The following SFR1 variants were observed in gnomAD, a reference collection of about 807,000 sequenced individuals.
SFR1 encodes the protein SWI5 dependent homologous recombination repair protein 1.
A neutral mutation model predicts 26.2 loss-of-function variants in SFR1; 24 were observed. The observed-to-expected ratio is 0.92, with a 90% confidence interval of 0.66 to 1.29. The LOEUF is 1.29. SFR1 is among the 50% of genes most tolerant of loss of function. The pLI is 0.00. For missense variants in SFR1, 276 were observed against 270.2 expected, an observed-to-expected ratio of 1.02 and a Z score of -0.15; for synonymous variants, 77 against 96.6, an observed-to-expected ratio of 0.80 and a Z score of 1.19.
intron 2 of SFR1, 49 bp from the exon 3 acceptor site, chr10:104,123,665 A>T: frequency 7.0e-7 from 1 of 1,419,676 alleles, no homozygotes; most frequent in Non-Finnish European, 9.5e-7. Context: ...TATTGACATT[A>T]AGAATGTTTT....
At chr10:104,122,221 A>T in intron 1 of SFR1, 25 bp downstream of exon 1, 1 of 1,532,156 alleles carries the variant, frequency 6.5e-7, no homozygotes, top group East Asian at 2.5e-5. Flanking sequence ...GGAAGGGGGG[A>T]TCCCTGACAC....
intron 3 of SFR1, 140 bp from the exon 4 acceptor site, chr10:104,125,373 C>A: frequency 1.6e-6 from 1 of 630,126 alleles, no homozygotes; most frequent in African/African-American, 1.8e-5. Flanking sequence ...TATGACCATC[C>A]TACTTTTTCC....
At chr10:104,122,787 A>G (rs976414976) in intron 1 of SFR1, 178 bp from the exon 2 acceptor site, 6 of 1,516,950 alleles carry the variant, frequency 4.0e-6, no homozygotes, top group South Asian at 3.7e-5. Flanking sequence ...AGTGGTCCCT[A>G]TGTGGGAAGG....
chr10:104,124,911 C>T (rs1271987085), intron 3 of SFR1, among the ~76,000 whole-genome samples: 1 of 152,184 alleles, frequency 6.6e-6, no homozygotes, highest in Non-Finnish European at 1.5e-5. Flanking sequence ...ATCCTCCCAA[C>T]TCAGCCTCCC....
chr10:104,125,766 A>AATT lies in SFR1; in HGVS notation c.*62_*63insATT. 9.1e-7 allele frequency: 1 copy of AATT among 1,097,052 alleles called. No individual in the cohort carries two copies. The highest frequency in any genetic ancestry group is 2.6e-5 in the East Asian group (1 of 37,936). 68.0% of individuals were successfully genotyped at this position (1,097,052 alleles called of 1,614,324 possible). ...CAACTTAATTAAAAGATACTTAGGC[A>AATT]CTTTTTTTTTTTTTTTGAGACTGAG... On this transcript the variant is annotated 3_prime_UTR_variant, in exon 4 of 4. Coordinates refer to ENST00000369727, the MANE Select transcript of SFR1 (RefSeq NM_001002759.2).
In SFR1 at chr10:104,124,125, G is replaced by A. The variant is rs1377208505; in HGVS notation, c.546+1G>A. 1.3e-6 allele frequency: 2 copies of A among 1,542,604 alleles called. No homozygotes were observed. The highest frequency in any genetic ancestry group is 1.7e-6 in the Non-Finnish European group (2 of 1,147,648). ...ACTAGTCAAAATGTATAGATCAAAGGTGAGAAGAATTTCAGGACCATTGCA... is the reference window on the plus strand; with the variant it reads ...ACTAGTCAAAATGTATAGATCAAAGATGAGAAGAATTTCAGGACCATTGCA... On this transcript the variant is annotated splice_donor_variant, in intron 3 of 3. Transcript: ENST00000369727. LOFTEE classifies it high-confidence loss of function.
Position 104,124,117 on chromosome 10 carries a change from G to A in SFR1, c.539G>A (p.Arg180Lys). 1.9e-6 allele frequency: 3 copies of A among 1,559,010 alleles called. No individual in the cohort carries two copies. Among genetic ancestry groups the A allele is most frequent in the Non-Finnish European group, 8.7e-7 (1 of 1,155,710 alleles). Residue 180 changes from arginine (R) to lysine (K), a missense_variant, in exon 3 of 4, where the codon AGA (arginine) becomes AAA (lysine). Transcript: ENST00000369727. ...LRRLKLVKMY[R>K]SKNDLSQLQL... ...AGGCTAAAACTAGTCAAAATGTATA[G>A]ATCAAAGGTGAGAAGAATTTCAGGA...
In SFR1 at chr10:104,123,934, T is replaced by C. The variant is rs1273339520; in HGVS notation, c.356T>C (p.Leu119Ser). 1.2e-6 allele frequency: 2 copies of C among 1,613,586 alleles called. No homozygotes were observed. Among genetic ancestry groups the C allele is most frequent in the Non-Finnish European group, 1.7e-6 (2 of 1,179,834 alleles). Residue 119 changes from leucine to serine, a missense_variant, in exon 3 of 4, where the codon TTG (leucine) becomes TCG (serine). Leu to Ser is a moderately radical substitution (Grantham distance 145, BLOSUM62 -2). Coordinates refer to ENST00000369727, the MANE Select transcript of SFR1 (RefSeq NM_001002759.2). ...FEENTNLKNT[L>S]KNLNVCESQS... The stretch of plus-strand genomic sequence containing the variant: ...GAAAATACAAATTTGAAAAATACTT[T>C]GAAGAATCTCAATGTCTGTGAATCT...
chr10:104,121,811 G>C (rs1330149718), upstream of SFR1, among the ~76,000 whole-genome samples: 2 of 152,184 alleles, frequency 1.3e-5, no homozygotes, highest in African/African-American at 2.4e-5. Flanking sequence ...GAACGGAAGC[G>C]CGCCCCCCTC....
Position 104,125,503 on chromosome 10 carries a change from T to TC in SFR1, c.547-9dup, listed in dbSNP as rs2087015644. ...AGTTATTGACATACATGTTTTTTTT[T>TC]CTGTTTCAGAATGATCTGTCTCAGT... On this transcript the variant is annotated splice_polypyrimidine_tract_variant and intron_variant, in intron 3 of 3. Coordinates refer to ENST00000369727, the MANE Select transcript of SFR1 (RefSeq NM_001002759.2). 1 of 1,594,942 alleles carries TC rather than the reference T, an allele frequency of 6.3e-7. No homozygotes were observed.
chr10:104,122,220 G>C (rs1564696284), intron 1 of SFR1, 24 bp downstream of exon 1: 3 of 1,535,324 alleles, frequency 2.0e-6, no homozygotes, highest in Non-Finnish European at 1.8e-6. Flanking sequence ...GGGAAGGGGG[G>C]ATCCCTGACA....
At chr10:104,122,164 C>G (rs904891849), upstream of SFR1, 7 of 1,548,586 alleles carry the variant, frequency 4.5e-6, no homozygotes, top group African/African-American at 4.1e-5. Flanking sequence ...GGTGCGCGCG[C>G]TTTTTTGCTC....
chr10:104,123,204 G>T (rs1165137540), intron 2 of SFR1, 118 bp downstream of exon 2: 1 of 812,364 alleles, frequency 1.2e-6, no homozygotes, highest in South Asian at 2.4e-5. Flanking sequence ...TAAATAAGTA[G>T]ACATTTTATT....
rs7076473 is a variant in SFR1, at chr10:104,122,348, G to C, written c.13+152G>C. ...GGGAACTAGTGGGCTTTCTGCAACG[G>C]GGGGAAGGAGGGGACGACTCCCGCC... On this transcript the variant is annotated intron_variant, in intron 1 of 3. Coordinates refer to ENST00000369727, the MANE Select transcript of SFR1 (RefSeq NM_001002759.2). The C allele has an allele frequency of 3.7e-5, 52 of 1,393,208 alleles. No homozygotes were observed. In the African/African-American group the frequency reaches 6.8e-4, roughly 18 times the overall value. 86.3% of individuals were successfully genotyped at this position (1,393,208 alleles called of 1,614,324 possible). A position where few individuals can be genotyped will look rare whatever the true frequency, so the allele number is the denominator to read the frequency against.
chr10:104,124,214 A>G (rs928194604), intron 3 of SFR1, 90 bp downstream of exon 3: 66 of 1,150,296 alleles, frequency 5.7e-5, no homozygotes, highest in Non-Finnish European at 7.3e-5. Flanking sequence ...TTTTTTTACC[A>G]TAATAAGCAA....
upstream of SFR1, chr10:104,121,926 G>C: frequency 2.0e-6 from 1 of 492,570 alleles, no homozygotes; most frequent in South Asian, 2.6e-5. Context: ...GCGCTGGGCG[G>C]GGAGAGCCGC....
In SFR1 at chr10:104,125,766, A is replaced by AT; in HGVS notation, c.*62_*63insT. 3.6e-6 allele frequency: 4 copies of AT among 1,097,034 alleles called. No homozygotes were observed. The highest frequency in any genetic ancestry group is 5.7e-5 in the Admixed American group (2 of 35,302). 68.0% of individuals were successfully genotyped at this position (1,097,034 alleles called of 1,614,324 possible). The stretch of plus-strand genomic sequence containing the variant: ...CAACTTAATTAAAAGATACTTAGGC[A>AT]CTTTTTTTTTTTTTTTGAGACTGAG... On this transcript the variant is annotated 3_prime_UTR_variant, in exon 4 of 4. Coordinates refer to ENST00000369727, the MANE Select transcript of SFR1 (RefSeq NM_001002759.2).
Position 104,125,960 on chromosome 10 carries a change from T to G in SFR1, c.*256T>G. The G allele has an allele frequency of 3.9e-6, 1 of 258,992 alleles. No homozygotes were observed. 16.0% of individuals were successfully genotyped at this position (258,992 alleles called of 1,614,324 possible). Reference sequence around the variant, plus strand: ...TTTGCATTTTTAGTAGAGACTGGGTTTCACCACGTTGGCCAGGCTGGTCTC... The same window carrying G: ...TTTGCATTTTTAGTAGAGACTGGGTGTCACCACGTTGGCCAGGCTGGTCTC... On this transcript the variant is annotated 3_prime_UTR_variant, in exon 4 of 4. Coordinates refer to ENST00000369727, the MANE Select transcript of SFR1 (RefSeq NM_001002759.2).
In SFR1 at chr10:104,125,952, G is replaced by C. The variant is rs1322182606; in HGVS notation, c.*248G>C. 1 of 280,386 alleles carries C rather than the reference G, an allele frequency of 3.6e-6. No individual in the cohort carries two copies. The highest frequency in any genetic ancestry group is 6.9e-6 in the Non-Finnish European group (1 of 145,916). 17.4% of individuals were successfully genotyped at this position (280,386 alleles called of 1,614,324 possible). A position where few individuals can be genotyped will look rare whatever the true frequency, so the allele number is the denominator to read the frequency against. On this transcript the variant is annotated 3_prime_UTR_variant, in exon 4 of 4. Coordinates refer to ENST00000369727, the MANE Select transcript of SFR1 (RefSeq NM_001002759.2). ...GGCTAATTTTTGCATTTTTAGTAGA[G>C]ACTGGGTTTCACCACGTTGGCCAGG...
Sources: gnomAD v4.1 joint callset for allele counts (sites outside exome capture counted in the v4.1 genomes callset) on GRCh38, gnomAD v4.1.1 for gene constraint, MANE v1.5 for transcripts, NCBI Gene and HGNC (gene_info 2026-07-23, HGNC 2026-07-21) for gene names.